The following PPP2R5C variants were observed in gnomAD, a reference collection of about 807,000 sequenced individuals.
PPP2R5C encodes the protein protein phosphatase 2 regulatory subunit B'gamma, also known as serine/threonine-protein phosphatase 2A 56 kDa regulatory subunit gamma isoform.
In PPP2R5C, 7 loss-of-function variants were observed where a neutral mutation model predicts 68.9. That is an observed-to-expected ratio of 0.10 (90% CI 0.06 to 0.19). The LOEUF is 0.19. Ranked by LOEUF, PPP2R5C falls within the 10% of genes least tolerant of loss-of-function variation. PPP2R5C has a pLI of 1.00. For missense variants in PPP2R5C, 348 were observed against 641.3 expected (o/e 0.54, Z 4.94); for synonymous variants, 210 against 222.2 (o/e 0.95, Z 0.49).
chr14:101,828,288 A>T (rs1180854202), intron 1 of PPP2R5C, among the ~76,000 whole-genome samples: 2 of 152,180 alleles, frequency 1.3e-5, no homozygotes, highest in African/African-American at 4.8e-5. Flanking sequence ...GAGTTCTTCT[A>T]GGATCATGAA....
exon 14 of PPP2R5C, chr14:101,926,917 A>G (rs549637931): frequency 6.6e-6 from 1 of 152,302 alleles, no homozygotes; most frequent in Admixed American, 6.5e-5. Context: ...GCCCCAGCTA[A>G]AAGTGGACAA....
chr14:101,871,036 C>T (rs550932949), intron 2 of PPP2R5C, among the ~76,000 whole-genome samples: 1 of 152,164 alleles, frequency 6.6e-6, no homozygotes, highest in African/African-American at 2.4e-5. Flanking sequence ...GACTGTATTG[C>T]TGGTAATATT....
intron 5 of PPP2R5C, among the ~76,000 whole-genome samples, chr14:101,887,511 CG>C (rs1364610269): frequency 6.6e-6 from 1 of 152,234 alleles, no homozygotes; most frequent in Non-Finnish European, 1.5e-5. Context: ...CTCATCCAGA[CG>C]GTTCTGCTCC....
rs769823731 is a variant in PPP2R5C at position 101,917,722 on chromosome 14, G to A, written c.1327-109G>A. ...TCTCCCACTGAGTGGGCTTCCTGCGGGAGAGGGCCCTGGGGGGCGGCAGGG... is the reference window on the plus strand; with the variant it reads ...TCTCCCACTGAGTGGGCTTCCTGCGAGAGAGGGCCCTGGGGGGCGGCAGGG... On this transcript the variant is annotated intron_variant, in intron 12 of 13. Coordinates refer to ENST00000334743, the Ensembl canonical transcript of PPP2R5C. This position sits in a 1 kb window ranked among gnomAD's most constrained non-coding sequence, Gnocchi z 4.4. The A allele has an allele frequency of 4.2e-5, 63 of 1,498,840 alleles. No homozygotes were observed. Among genetic ancestry groups the A allele is most frequent in the Non-Finnish European group, 5.4e-5 (60 of 1,108,630 alleles). 92.8% of individuals were successfully genotyped at this position (1,498,840 alleles called of 1,614,324 possible). A position where few individuals can be genotyped will look rare whatever the true frequency, so the allele number is the denominator to read the frequency against.
In PPP2R5C at chr14:101,871,231, G is replaced by T. The variant is rs199818044; in HGVS notation, c.295-10930G>T. On this transcript the variant is annotated intron_variant, in intron 2 of 13. Coordinates refer to ENST00000334743, the Ensembl canonical transcript of PPP2R5C. ...TTGGTTTTTTTTTGTTTTGGTTTTTGTTGTTGTTGTTGTTGTTGTTGTTGT... is the reference window on the plus strand; with the variant it reads ...TTGGTTTTTTTTTGTTTTGGTTTTTTTTGTTGTTGTTGTTGTTGTTGTTGT... 4.5e-4 allele frequency among the ~76,000 whole-genome samples: 41 copies of T among 91,086 alleles called. 1 individual carries two copies. The highest frequency in any genetic ancestry group is 3.0e-3 in the African/African-American group (40 of 13,390). The allele number at this position is 91,086 out of a possible 152,430, so 59.8% of individuals were successfully genotyped here.
At chr14:101,911,492 C>T (rs140810449) in intron 11 of PPP2R5C, among the ~76,000 whole-genome samples, 1 of 152,308 alleles carries the variant, frequency 6.6e-6, no homozygotes, top group African/African-American at 2.4e-5. Flanking sequence ...AGCATGCAAG[C>T]AGCAGGGCCT....
intron 13 of PPP2R5C, chr14:101,921,172 A>G (rs1021270499): frequency 1.9e-5 from 5 of 256,668 alleles, no homozygotes; most frequent in African/African-American, 1.2e-4. Flanking sequence ...GACTCAAGCA[A>G]TCCGCCCACT....
At chr14:101,764,410 T>C (rs774868718) in intron 2 of PPP2R5C, among the ~76,000 whole-genome samples, 11 of 152,258 alleles carry the variant, frequency 7.2e-5, no homozygotes, top group Non-Finnish European at 1.6e-4. Flanking sequence ...GTCAGACTTC[T>C]TCCTGTAAGC....
chr14:101,779,282 A>G (rs979573385), intron 2 of PPP2R5C, among the ~76,000 whole-genome samples: 3 of 152,150 alleles, frequency 2.0e-5, no homozygotes, highest in African/African-American at 4.8e-5. Context: ...AGATGTGTCC[A>G]TGCTCTCAAC....
rs1038973094 is a variant in PPP2R5C at position 101,772,024 on chromosome 14, C to T, written c.93+9054C>T. 5.3e-5 allele frequency among the ~76,000 whole-genome samples: 8 copies of T among 152,140 alleles called. No individual in the cohort carries two copies. In the East Asian group the frequency reaches 1.5e-3, roughly 29 times the overall value. On this transcript the variant is annotated intron_variant, in intron 2 of 14. Coordinates refer to the PPP2R5C transcript ENST00000328724. ...ATGTGGCCAGCAGCTACTCTGTTGA[C>T]CAGCAGATGTGGAACATTTGCAGCT... is the stretch of plus-strand genomic sequence containing the variant.
rs1277125758 is a variant in PPP2R5C, at chr14:101,781,016, G to A, written c.94-5002G>A. ...CTGTAAGCTAAGGATGCGCCAGCTC[G>A]GCCTGAACCATGGAATGCAGCGTGG... On this transcript the variant is annotated intron_variant, in intron 2 of 14. Coordinates refer to the PPP2R5C transcript ENST00000328724. This position sits in a 1 kb window ranked among gnomAD's most constrained non-coding sequence, Gnocchi z 6.4. Among the ~76,000 whole-genome samples the A allele has an allele frequency of 2.0e-5, 3 of 152,188 alleles. No homozygotes were observed. The highest frequency in any genetic ancestry group is 7.2e-5 in the African/African-American group (3 of 41,452).
At chr14:101,902,136 T>C (rs2045722457) in intron 9 of PPP2R5C, among the ~76,000 whole-genome samples, 1 of 152,262 alleles carries the variant, frequency 6.6e-6, no homozygotes. Context: ...TCTGTAAAGC[T>C]GTCTTTATCT....
At chr14:101,763,925 G>A (rs750284072) in intron 2 of PPP2R5C, among the ~76,000 whole-genome samples, 1 of 152,100 alleles carries the variant, frequency 6.6e-6, no homozygotes, top group Admixed American at 6.5e-5. Context: ...TTCTGTTGAC[G>A]GTCCCTTGGC....
intron 3 of PPP2R5C, chr14:101,803,083 C>G (rs1329212704): frequency 6.6e-6 from 1 of 151,990 alleles, no homozygotes; most frequent in Non-Finnish European, 1.5e-5. Context: ...GTTGCATGTG[C>G]CTGTGGTCCC....
At chr14:101,761,700 G>A, upstream of PPP2R5C, 1 of 350,700 alleles carries the variant, frequency 2.9e-6, no homozygotes, top group Non-Finnish European at 3.9e-6. Context: ...CGCCGCCGCC[G>A]CCGCCGCCGC....
intron 2 of PPP2R5C, among the ~76,000 whole-genome samples, chr14:101,772,593 G>A (rs140525334): frequency 0.01 from 1,583 of 152,156 alleles, 31 homozygotes; most frequent in African/African-American, 0.036. Context: ...TCAGGAGTTC[G>A]AGACCAGCCT....
intron 1 of PPP2R5C, among the ~76,000 whole-genome samples, chr14:101,839,747 G>A (rs1261083021): frequency 3.3e-5 from 5 of 152,162 alleles, no homozygotes; most frequent in African/African-American, 4.8e-5. Flanking sequence ...TTATTGAATC[G>A]TAGCACACAT....
At chr14:101,765,041 A>C in intron 2 of PPP2R5C, 1 of 626,406 alleles carries the variant, frequency 1.6e-6, no homozygotes, top group South Asian at 1.8e-5. Flanking sequence ...TACCAAAATC[A>C]CTACTATGTG....
chr14:101,771,105 C>G (rs1267848928), intron 2 of PPP2R5C, among the ~76,000 whole-genome samples: 1 of 152,186 alleles, frequency 6.6e-6, no homozygotes, highest in Non-Finnish European at 1.5e-5. Flanking sequence ...CAAATCCAAA[C>G]AGCGTTGTCA....
Sources: allele counts gnomAD v4.1 joint callset (sites outside exome capture counted in the v4.1 genomes callset), GRCh38; gene constraint gnomAD v4.1.1; non-coding constraint Gnocchi (gnomAD v3.1); transcripts MANE v1.5; gene names NCBI Gene and HGNC (gene_info 2026-07-23, HGNC 2026-07-21).